Variants in TRPC4AP observed in about 807,000 individuals in gnomAD.
The protein encoded by TRPC4AP is transient receptor potential cation channel subfamily C member 4 associated protein.
In TRPC4AP, 45 loss-of-function variants were observed where a neutral mutation model predicts 99.0. The ratio of observed to expected loss-of-function variants is 0.45; its 90% CI spans 0.36 to 0.58. The LOEUF is 0.58. TRPC4AP is among the 20% of genes least tolerant of loss of function. The pLI is 0.00. For synonymous variants in TRPC4AP, 408 were observed against 385.8 expected (o/e 1.06, Z -0.67); for missense variants, 879 against 985.3 (o/e 0.89, Z 1.44).
rs753397027 is a variant in TRPC4AP, at chr20:35,035,165, C to T, written c.1009G>A (p.Ala337Thr). 3 of 1,614,056 alleles carry T rather than the reference C, an allele frequency of 1.9e-6. No individual in the cohort carries two copies. The highest frequency in any genetic ancestry group is 1.1e-5 in the South Asian group (1 of 91,048). The change falls in exon 8 of 19, where the codon GCC becomes ACC. Residue 337 changes from alanine (A) to threonine (T), a missense_variant. This residue lies in a region of TRPC4AP where 603 missense variants were observed against 631.8 expected (regional missense o/e 0.95). Coordinates refer to ENST00000252015, the MANE Select transcript of TRPC4AP (RefSeq NM_015638.3). ...TWLDNALVLD[A>T]LMRVANEESE... ...TCCTCATTGGCCACTCGCATCAGGG[C>T]ATCTAGCACCAAAGCATTGTCTAGC...
intron 8 of TRPC4AP, among the ~76,000 whole-genome samples, chr20:35,031,747 G>A (rs2083199985): frequency 6.6e-6 from 1 of 151,600 alleles, no homozygotes; most frequent in South Asian, 2.1e-4. Flanking sequence ...ATTATTTTAA[G>A]GCCCTGTTTT....
intron 2 of TRPC4AP, among the ~76,000 whole-genome samples, chr20:35,070,496 T>C (rs886996691): frequency 3.3e-5 from 5 of 151,950 alleles, no homozygotes; most frequent in Admixed American, 2.0e-4. Flanking sequence ...CTGCAAGCTC[T>C]GCCTCCCGGG....
intron 2 of TRPC4AP, among the ~76,000 whole-genome samples, chr20:35,077,393 C>A (rs546195237): frequency 6.6e-6 from 1 of 152,106 alleles, no homozygotes; most frequent in African/African-American, 2.4e-5. Context: ...ATCCTGGAAC[C>A]GGACCCCCAC....
At position 35,086,535 on chromosome 20, in the gene TRPC4AP, G is replaced by GTATATATATGTGTATATATATATA. The variant is rs1569158044; in HGVS notation, c.168+6078_168+6079insTATATATATATACACATATATATA. On this transcript the variant is annotated intron_variant, in intron 1 of 18. Coordinates refer to ENST00000252015, the MANE Select transcript of TRPC4AP (RefSeq NM_015638.3). Reference sequence around the variant, plus strand: ...TGTGTGTGTGTATATATGTGTGTGTGTGTGTGTGTGTGTGTGTGTGTGTGT... The same window carrying GTATATATATGTGTATATATATATA: ...TGTGTGTGTGTATATATGTGTGTGTGTATATATATGTGTATATATATATATGTGTGTGTGTGTGTGTGTGTGTGT... Among the ~76,000 whole-genome samples the GTATATATATGTGTATATATATATA allele has an allele frequency of 6.8e-4, 12 of 17,754 alleles. 1 individual carries two copies. Among genetic ancestry groups the GTATATATATGTGTATATATATATA allele is most frequent in the African/African-American group, 3.9e-3 (12 of 3,068 alleles). 11.6% of individuals were successfully genotyped at this position (17,754 alleles called of 152,430 possible).
At chr20:35,033,809 T>C (rs1012495060) in intron 8 of TRPC4AP, among the ~76,000 whole-genome samples, 4 of 146,106 alleles carry the variant, frequency 2.7e-5, no homozygotes, top group African/African-American at 5.1e-5. Context: ...CTGACCAACA[T>C]GGCAAAACCC....
At chr20:35,014,179 C>CA (rs2082699056) in intron 10 of TRPC4AP, among the ~76,000 whole-genome samples, 1 of 152,114 alleles carries the variant, frequency 6.6e-6, no homozygotes, top group African/African-American at 2.4e-5. Flanking sequence ...ATGAAAATTA[C>CA]AATAGGATAA....
Position 35,014,648 on chromosome 20 carries a change from T to C in TRPC4AP, c.1350+1360A>G, listed in dbSNP as rs148484518. ...ACAGAACATCTAGAAATGCAAAATATATTTGCTTGAAATTAAAAACTCAAA... is the reference window on the plus strand; with the variant it reads ...ACAGAACATCTAGAAATGCAAAATACATTTGCTTGAAATTAAAAACTCAAA... On this transcript the variant is annotated intron_variant, in intron 10 of 18. Transcript: ENST00000252015. Among the ~76,000 whole-genome samples the C allele has an allele frequency of 4.8e-3, 728 of 152,294 alleles. 6 individuals are homozygous for C. The highest frequency in any genetic ancestry group is 0.017 in the African/African-American group (704 of 41,534).
chr20:35,078,275 T>C (rs2084538048), intron 1 of TRPC4AP, 101 bp from the exon 2 acceptor site: 1 of 1,269,860 alleles, frequency 7.9e-7, no homozygotes, highest in Non-Finnish European at 1.1e-6. Context: ...CCAGGACAGT[T>C]ACAAATTTAT....
chr20:35,050,013 G>T lies in TRPC4AP; in HGVS notation c.529-19C>A. ...CCTCTGTCTGTCACAAGAAGAAAAG[G>T]CAGAATAGGTTGTAAGTACAAAATA... is the stretch of plus-strand genomic sequence containing the variant. On this transcript the variant is annotated intron_variant, in intron 5 of 18. Coordinates refer to ENST00000252015, the MANE Select transcript of TRPC4AP (RefSeq NM_015638.3). 1 of 1,610,676 alleles carries T rather than the reference G, an allele frequency of 6.2e-7. No homozygotes were observed. The highest frequency in any genetic ancestry group is 8.5e-7 in the Non-Finnish European group (1 of 1,178,566).
chr20:35,024,856 T>TAA (rs2082990477), intron 8 of TRPC4AP, among the ~76,000 whole-genome samples: 1 of 63,716 alleles, frequency 1.6e-5, no homozygotes, highest in East Asian at 6.4e-4. Flanking sequence ...AAAAAAAAAA[T>TAA]TCTGTTTATT....
chr20:35,083,627 C>T (rs2084710335), intron 1 of TRPC4AP, among the ~76,000 whole-genome samples: 1 of 149,252 alleles, frequency 6.7e-6, no homozygotes, highest in African/African-American at 2.5e-5. Context: ...AAAAAAATTA[C>T]AGGAAAATAA....
intron 12 of TRPC4AP, among the ~76,000 whole-genome samples, chr20:35,009,523 G>A (rs2082586208): frequency 6.6e-6 from 1 of 152,160 alleles, no homozygotes; most frequent in Non-Finnish European, 1.5e-5. Context: ...GCGCACACCT[G>A]TAGTCCCAGC....
chr20:35,010,251 C>T lies in TRPC4AP; in HGVS notation c.1447G>A (p.Glu483Lys). Residue 483 changes from glutamate (E) to lysine (K), a missense_variant, in exon 12 of 19, where the codon GAA (glutamate) becomes AAA (lysine). Physicochemically the swap from Glu to Lys is moderately conservative, Grantham distance 56. Transcript: ENST00000252015. The part of the protein sequence containing the change: ...YLLLNNQELN[E>K]LSAISLKANI... Reference sequence around the variant, plus strand: ...GCCTTGAGAGAGATGGCACTGAGTTCATTCAGCTCCTGGTTGTTGAGTAAC... The same window carrying T: ...GCCTTGAGAGAGATGGCACTGAGTTTATTCAGCTCCTGGTTGTTGAGTAAC... The T allele has an allele frequency of 6.2e-7, 1 of 1,614,206 alleles. No individual in the cohort carries two copies. Among genetic ancestry groups the T allele is most frequent in the Non-Finnish European group, 8.5e-7 (1 of 1,180,038 alleles).
intron 6 of TRPC4AP, among the ~76,000 whole-genome samples, chr20:35,049,486 G>GGCAGA (rs1569121047): frequency 1.6e-5 from 1 of 62,450 alleles, no homozygotes; most frequent in Non-Finnish European, 3.4e-5. Context: ...TTCAGATAGC[G>GGCAGA]GTAAAGTGGT....
In TRPC4AP at chr20:35,002,814, G is replaced by A. The variant is rs2082420880; in HGVS notation, c.*332C>T. ...ACCCATATCTTCCTCCCCACTCTGG[G>A]ACTGACTGACAGCCAAGAAACCGGC... On this transcript the variant is annotated 3_prime_UTR_variant, in exon 19 of 19. Transcript: ENST00000252015. 1 of 254,294 alleles carries A rather than the reference G, an allele frequency of 3.9e-6. No individual in the cohort carries two copies. Among genetic ancestry groups the A allele is most frequent in the Non-Finnish European group, 7.6e-6 (1 of 131,004 alleles). 15.8% of individuals were successfully genotyped at this position (254,294 alleles called of 1,614,324 possible). A position where few individuals can be genotyped will look rare whatever the true frequency, so the allele number is the denominator to read the frequency against.
At position 35,078,102 on chromosome 20, in the gene TRPC4AP, G is replaced by T. The variant is rs369640683; in HGVS notation, c.241C>A (p.Leu81Met). 11 of 1,613,918 alleles carry T rather than the reference G, an allele frequency of 6.8e-6. No individual in the cohort carries two copies. The South Asian group carries it at 7.7e-5, about 11-fold the overall frequency. Residue 81 changes from leucine (L) to methionine (M), a missense_variant, in exon 2 of 19, where the codon CTG (leucine) becomes ATG (methionine). Coordinates refer to ENST00000252015, the MANE Select transcript of TRPC4AP (RefSeq NM_015638.3). ...WSGIPQLLLK[L>M]HTTSHLHSDF... is the part of the protein sequence containing the mutation. The stretch of plus-strand genomic sequence containing the variant: ...CTGTGGAGGTGGCTGGTGGTGTGCA[G>T]CTTGAGGAGCAGCTGAGGAATTCCA...
At chr20:35,073,386 C>T (rs2084377127) in intron 2 of TRPC4AP, among the ~76,000 whole-genome samples, 1 of 152,136 alleles carries the variant, frequency 6.6e-6, no homozygotes, top group Admixed American at 6.5e-5. Flanking sequence ...CCAGTTTTTG[C>T]CCATTCAGTA....
intron 1 of TRPC4AP, among the ~76,000 whole-genome samples, chr20:35,081,285 G>C (rs2084638432): frequency 6.6e-6 from 1 of 151,798 alleles, no homozygotes; most frequent in Non-Finnish European, 1.5e-5. Context: ...GGCAGAGACA[G>C]ACAGATCACT....
intron 9 of TRPC4AP, among the ~76,000 whole-genome samples, chr20:35,020,901 C>T (rs765136107): frequency 6.6e-6 from 1 of 152,172 alleles, no homozygotes; most frequent in Non-Finnish European, 1.5e-5. Flanking sequence ...GGCTTGCCAG[C>T]TTTCAACTCT....
Sources: gnomAD v4.1 joint callset for allele counts (sites outside exome capture counted in the v4.1 genomes callset) on GRCh38, gnomAD v4.1.1 for gene constraint, gnomAD v4.1.1 regional missense constraint, MANE v1.5 for transcripts, NCBI Gene and HGNC (gene_info 2026-07-23, HGNC 2026-07-21) for gene names.